TMEM26: variants seen among roughly 807,000 people sequenced by gnomAD.
TMEM26 encodes the protein transmembrane protein 26.
Under a neutral mutation model 28.8 loss-of-function variants are expected in TMEM26, and 38 were observed. The observed-to-expected ratio is 1.32, with a 90% CI of 1.02 to 1.73. TMEM26 has a LOEUF of 1.73. Among genes scored for constraint, TMEM26 ranks in the 40% most tolerant of loss-of-function variants. The probability of loss-of-function intolerance (pLI) is 0.00; values close to 1 mark genes in which losing one functional copy is unlikely to be tolerated. For synonymous variants in TMEM26, 227 were observed against 182.9 expected (o/e 1.24, Z -1.95); for missense variants, 518 against 447.1 (o/e 1.16, Z -1.43).
At chr10:61,426,880 T>C (rs1222083900) in intron 4 of TMEM26, among the ~76,000 whole-genome samples, 1 of 152,068 alleles carries the variant, frequency 6.6e-6, no homozygotes, top group East Asian at 1.9e-4. Flanking sequence ...TCTTGCAGTA[T>C]AGGCGAGAAC....
intron 1 of TMEM26, 148 bp downstream of exon 1, chr10:61,452,743 G>T: frequency 9.9e-7 from 1 of 1,005,390 alleles, no homozygotes; most frequent in Non-Finnish European, 1.5e-6. Context: ...AGATGCGCAA[G>T]CATCTCGCGC....
intron 1 of TMEM26, among the ~76,000 whole-genome samples, chr10:61,447,223 G>A (rs1840200001): frequency 6.6e-6 from 1 of 152,158 alleles, no homozygotes; most frequent in Non-Finnish European, 1.5e-5. Context: ...GAGTGGAGGA[G>A]GAAGAGTTTT....
chr10:61,422,431 A>G (rs1269768566), intron 4 of TMEM26, among the ~76,000 whole-genome samples: 1 of 152,168 alleles, frequency 6.6e-6, no homozygotes, highest in Non-Finnish European at 1.5e-5. Flanking sequence ...TAAATTTAAA[A>G]AAACTTAAAC....
At chr10:61,448,611 GTTTTTTTGT>G (rs1840224637) in intron 1 of TMEM26, among the ~76,000 whole-genome samples, 1 of 135,196 alleles carries the variant, frequency 7.4e-6, no homozygotes, top group African/African-American at 2.7e-5. Flanking sequence ...TTTGTTTTCT[GTTTTTTTGT>G]TTTTTTTTTT....
chr10:61,422,337 C>T (rs1839763014), intron 4 of TMEM26, among the ~76,000 whole-genome samples: 1 of 151,960 alleles, frequency 6.6e-6, no homozygotes, highest in Non-Finnish European at 1.5e-5. Context: ...AACACCCCAC[C>T]CAACACCAAG....
At chr10:61,418,719 G>T (rs912132567) in intron 4 of TMEM26, among the ~76,000 whole-genome samples, 1 of 152,066 alleles carries the variant, frequency 6.6e-6, no homozygotes, top group African/African-American at 2.4e-5. Context: ...GCTACTTTGA[G>T]ACTGCAGTCC....
chr10:61,448,619 G>GTTTTTTTTT (rs199499296), intron 1 of TMEM26, among the ~76,000 whole-genome samples: 2 of 126,606 alleles, frequency 1.6e-5, no homozygotes, highest in Non-Finnish European at 1.7e-5. Context: ...CTGTTTTTTT[G>GTTTTTTTTT]TTTTTTTTTT....
At chr10:61,436,148 C>G (rs1231530554) in intron 2 of TMEM26, 22 bp downstream of exon 2, 1 of 1,499,930 alleles carries the variant, frequency 6.7e-7, no homozygotes, top group South Asian at 1.2e-5. Flanking sequence ...TAGGTCAATT[C>G]CTACTTTCCA....
Position 61,407,601 on chromosome 10 carries a change from T to C in TMEM26, c.*2721A>G, listed in dbSNP as rs1035165472. The stretch of plus-strand genomic sequence containing the variant: ...GATCATGAGGTGTGTTTCCGCACAG[T>C]ATCATTGAAACATGCACATTGTGTT... On this transcript the variant is annotated 3_prime_UTR_variant, in exon 6 of 6. Transcript: ENST00000399298. The C allele has an allele frequency of 6.6e-6, 1 of 152,216 alleles. No homozygotes were observed. The allele number at this position is 152,216 out of a possible 1,614,324, so 9.4% of individuals were successfully genotyped here.
chr10:61,410,451 A>G lies in TMEM26; in HGVS notation c.978T>C (p.His326=). 6.2e-7 allele frequency: 1 copy of G among 1,614,078 alleles called. No individual in the cohort carries two copies. Among genetic ancestry groups the G allele is most frequent in the Non-Finnish European group, 8.5e-7 (1 of 1,180,010 alleles). ...RSQSEGLKGE[H]GCRAQTSESG... is the part of the protein sequence containing the mutation. Reference sequence around the variant, plus strand: ...TCTCAGAGGTCTGTGCCCGGCAACCATGTTCTCCTTTCAGGCCTTCTGACT... The same window carrying G: ...TCTCAGAGGTCTGTGCCCGGCAACCGTGTTCTCCTTTCAGGCCTTCTGACT... The change falls in exon 6 of 6, where the codon CAT becomes CAC. Residue 326 remains histidine, a synonymous_variant. Coordinates refer to ENST00000399298, the MANE Select transcript of TMEM26 (RefSeq NM_178505.8).
At chr10:61,421,707 T>G (rs2135298322) in intron 4 of TMEM26, among the ~76,000 whole-genome samples, 2 of 152,246 alleles carry the variant, frequency 1.3e-5, no homozygotes, top group South Asian at 4.2e-4. Context: ...TGAAGCAGAT[T>G]CTTCTTCAGA....
chr10:61,430,518 G>T (rs1839903281), intron 3 of TMEM26, among the ~76,000 whole-genome samples: 1 of 150,276 alleles, frequency 6.7e-6, no homozygotes, highest in Non-Finnish European at 1.5e-5. Flanking sequence ...AAACAAAACT[G>T]CCTCTGTTCA....
chr10:61,415,263 A>G (rs1015246213), intron 4 of TMEM26: 1 of 570,604 alleles, frequency 1.8e-6, no homozygotes, highest in African/African-American at 2.0e-5. Context: ...AGTCCACAGT[A>G]TGACATGATT....
intron 2 of TMEM26, among the ~76,000 whole-genome samples, chr10:61,434,665 GA>G: frequency 6.6e-6 from 1 of 152,288 alleles, no homozygotes; most frequent in East Asian, 1.9e-4. Context: ...TAGCCTATAT[GA>G]CTTTGGTGAT....
intron 1 of TMEM26, among the ~76,000 whole-genome samples, chr10:61,449,875 T>C (rs1424731143): frequency 2.6e-5 from 4 of 152,184 alleles, no homozygotes; most frequent in Non-Finnish European, 5.9e-5. Context: ...GGACAATTCT[T>C]TTACATTTTT....
intron 1 of TMEM26, among the ~76,000 whole-genome samples, chr10:61,439,287 G>A (rs1840055093): frequency 6.6e-6 from 1 of 152,170 alleles, no homozygotes; most frequent in Non-Finnish European, 1.5e-5. Flanking sequence ...CCTAATGCAA[G>A]CTCCATGAAG....
chr10:61,436,138 T>C lies in TMEM26; in HGVS notation c.270+32A>G, dbSNP rs767056704. ...ACTGTGAAAGTAGCTTATTGCTGAA[T>C]AGGTCAATTCCTACTTTCCAAAAAG... On this transcript the variant is annotated intron_variant, in intron 2 of 5. Transcript: ENST00000399298. 6.5e-6 allele frequency: 9 copies of C among 1,387,388 alleles called. No individual in the cohort carries two copies. The East Asian group carries it at 1.4e-4, about 21-fold the overall frequency. The allele number at this position is 1,387,388 out of a possible 1,614,324, so 85.9% of individuals were successfully genotyped here.
At chr10:61,439,380 G>C (rs112830489) in intron 1 of TMEM26, among the ~76,000 whole-genome samples, 1 of 152,148 alleles carries the variant, frequency 6.6e-6, no homozygotes, top group African/African-American at 2.4e-5. Context: ...TGGAATCACA[G>C]TGTGTTACTA....
rs1355870259 is a variant in TMEM26, at chr10:61,410,701, G to A, written c.728C>T (p.Pro243Leu). The part of the protein sequence containing the change: ...CPVSVTERGF[P>L]SLFFCQYSAD... ...ACTGTACTGGCAAAAGAACAGGCTGGGGAATCCCCTCTCTGTCACAGACAC... is the reference window on the plus strand; with the variant it reads ...ACTGTACTGGCAAAAGAACAGGCTGAGGAATCCCCTCTCTGTCACAGACAC... The change falls in exon 6 of 6, where the codon CCC becomes CTC. Residue 243 changes from proline to leucine, a missense_variant. Coordinates refer to ENST00000399298, the MANE Select transcript of TMEM26 (RefSeq NM_178505.8). 2.5e-6 allele frequency: 4 copies of A among 1,613,940 alleles called. No individual in the cohort carries two copies. Among genetic ancestry groups the A allele is most frequent in the Non-Finnish European group, 3.4e-6 (4 of 1,180,022 alleles).
Sources: gnomAD v4.1 joint callset for allele counts (sites outside exome capture counted in the v4.1 genomes callset) on GRCh38, gnomAD v4.1.1 for gene constraint, MANE v1.5 for transcripts, NCBI Gene and HGNC (gene_info 2026-07-23, HGNC 2026-07-21) for gene names.